The following ACYP2 variants were observed in gnomAD, a reference collection of about 807,000 sequenced individuals.
The protein encoded by ACYP2 is acylphosphatase 2.
ACYP2 carries 12 observed loss-of-function variants against 11.2 expected under a neutral mutation model. The ratio of observed to expected loss-of-function variants is 1.08; its 90% CI spans 0.69 to 1.74. The LOEUF (loss-of-function observed/expected upper bound fraction) is 1.74, where lower values mean the gene tolerates loss of function less well. Among genes scored for constraint, ACYP2 ranks in the 40% most tolerant of loss-of-function variants. ACYP2 has a pLI of 0.00. For synonymous variants in ACYP2, 43 were observed against 32.2 expected (o/e 1.33, Z -1.13); for missense variants, 134 against 101.9 (o/e 1.31, Z -1.35).
intron 6 of ACYP2, among the ~76,000 whole-genome samples, chr2:54,143,500 C>A (rs1681714322): frequency 6.6e-6 from 1 of 152,162 alleles, no homozygotes; most frequent in Non-Finnish European, 1.5e-5. Context: ...ATGGTACGAT[C>A]TTGGCTTACT....
chr2:54,201,630 T>TTTTCTC (rs1684798474), intron 6 of ACYP2, among the ~76,000 whole-genome samples: 3 of 90,520 alleles, frequency 3.3e-5, no homozygotes, highest in African/African-American at 1.2e-4. Context: ...CTTTGTTTCT[T>TTTTCTC]TCTTTCTCTT....
At chr2:54,266,047 G>A (rs1688003216) in intron 6 of ACYP2, among the ~76,000 whole-genome samples, 2 of 152,182 alleles carry the variant, frequency 1.3e-5, no homozygotes, top group Non-Finnish European at 2.9e-5. Context: ...TGAGCAGCAT[G>A]TTCTGAGAAC....
At position 54,190,167 on chromosome 2, in the gene ACYP2, AT is replaced by A. The variant is rs1346970709; in HGVS notation, c.404+51423del. ...TTTCCAATCCATAATTTGCCTTTTC[AT>A]TTTGTTGATTGTTTCCTTTGCTGTG... On this transcript the variant is annotated intron_variant, in intron 6 of 6. Coordinates refer to ENST00000607452, the MANE Select transcript of ACYP2 (RefSeq NM_001320586.2). Among the ~76,000 whole-genome samples the A allele has an allele frequency of 2.0e-5, 3 of 152,048 alleles. No individual in the cohort carries two copies. In the East Asian group the frequency reaches 5.8e-4, roughly 29 times the overall value.
chr2:54,056,013 G>A (rs1284029266), intron 3 of ACYP2, among the ~76,000 whole-genome samples: 1 of 152,208 alleles, frequency 6.6e-6, no homozygotes, highest in Non-Finnish European at 1.5e-5. Context: ...TAAGCTCAGA[G>A]AAGTTAAATA....
At chr2:54,284,378 A>T (rs574590310) in intron 6 of ACYP2, among the ~76,000 whole-genome samples, 1 of 152,198 alleles carries the variant, frequency 6.6e-6, no homozygotes, top group Non-Finnish European at 1.5e-5. Context: ...CCTCAAGAGA[A>T]TCCTCTTTAT....
intron 6 of ACYP2, among the ~76,000 whole-genome samples, chr2:54,146,301 T>G (rs1446597629): frequency 6.6e-6 from 1 of 152,228 alleles, no homozygotes; most frequent in East Asian, 1.9e-4. Context: ...TTCTCCATTT[T>G]CACAACCATC....
chr2:54,066,280 C>T (rs941497923), intron 4 of ACYP2, among the ~76,000 whole-genome samples: 5 of 152,150 alleles, frequency 3.3e-5, no homozygotes, highest in Non-Finnish European at 5.9e-5. Flanking sequence ...TCCTCCTCTC[C>T]TCTCTCCTGC....
At chr2:54,111,731 A>C (rs533403283) in intron 4 of ACYP2, among the ~76,000 whole-genome samples, 2 of 152,252 alleles carry the variant, frequency 1.3e-5, no homozygotes, top group Non-Finnish European at 2.9e-5. Flanking sequence ...GGAAGTTAAC[A>C]ATTTGTATCA....
At chr2:54,151,257 G>T (rs899817837) in intron 6 of ACYP2, among the ~76,000 whole-genome samples, 3 of 152,122 alleles carry the variant, frequency 2.0e-5, no homozygotes, top group African/African-American at 7.2e-5. Context: ...TTGTGACAAT[G>T]GTAAATTGAA....
At chr2:54,148,938 G>T (rs987626044) in intron 6 of ACYP2, among the ~76,000 whole-genome samples, 1 of 152,126 alleles carries the variant, frequency 6.6e-6, no homozygotes, top group South Asian at 2.1e-4. Flanking sequence ...GGCAAAAACC[G>T]CAATTACTTT....
chr2:54,301,904 G>C (rs1355681008), intron 6 of ACYP2, among the ~76,000 whole-genome samples: 1 of 152,158 alleles, frequency 6.6e-6, no homozygotes, highest in East Asian at 1.9e-4. Context: ...AGATCAGGCA[G>C]GGTGGTTCCT....
rs531359759 is a variant in ACYP2, at chr2:54,005,656, T to C, written c.62+31846T>C. Among the ~76,000 whole-genome samples the C allele has an allele frequency of 5.6e-4, 85 of 152,196 alleles. 1 individual carries two copies. Among genetic ancestry groups the C allele is most frequent in the Non-Finnish European group, 1.0e-3 (71 of 68,028 alleles). ...GCCCAGCCTGAAGGCCTATGGTTTC[T>C]CTTTTCTGTTCCATTGACCAAGATC... On this transcript the variant is annotated intron_variant, in intron 2 of 6. Transcript: ENST00000607452.
intron 6 of ACYP2, chr2:54,255,560 C>T (rs771768568): frequency 2.5e-6 from 4 of 1,608,154 alleles, no homozygotes; most frequent in Admixed American, 1.7e-5. Context: ...TGGAGACCCA[C>T]GTTCAGGGGC....
chr2:54,075,696 C>T (rs1405642390), intron 4 of ACYP2, among the ~76,000 whole-genome samples: 1 of 151,858 alleles, frequency 6.6e-6, no homozygotes, highest in East Asian at 1.9e-4. Flanking sequence ...GCCTGTAATC[C>T]CAGCTACTCA....
chr2:54,100,457 C>G (rs552024529), intron 4 of ACYP2, among the ~76,000 whole-genome samples: 4 of 151,938 alleles, frequency 2.6e-5, no homozygotes, highest in African/African-American at 9.7e-5. Flanking sequence ...TGTGCCCCAC[C>G]ACACCTGGCT....
chr2:54,098,267 C>T (rs772100384), intron 4 of ACYP2, among the ~76,000 whole-genome samples: 4 of 152,128 alleles, frequency 2.6e-5, no homozygotes, highest in Non-Finnish European at 5.9e-5. Context: ...CTGCACCTGG[C>T]CACAATTTCT....
intron 6 of ACYP2, among the ~76,000 whole-genome samples, chr2:54,152,333 G>A (rs1002319353): frequency 1.3e-5 from 2 of 151,564 alleles, no homozygotes; most frequent in Admixed American, 6.6e-5. Context: ...TATGTTTCCC[G>A]GGCTGGTCTC....
chr2:54,226,192 G>A (rs1039502051), intron 6 of ACYP2, among the ~76,000 whole-genome samples: 3 of 152,184 alleles, frequency 2.0e-5, no homozygotes, highest in Non-Finnish European at 4.4e-5. Flanking sequence ...TGATGTAGTG[G>A]ATGTCTTAAG....
chr2:54,207,899 A>C (rs1291748339), intron 6 of ACYP2, among the ~76,000 whole-genome samples: 1 of 152,238 alleles, frequency 6.6e-6, no homozygotes, highest in Non-Finnish European at 1.5e-5. Flanking sequence ...TTTTGAACGC[A>C]TACTTAGAAG....
Sources: gnomAD v4.1 joint callset for allele counts (sites outside exome capture counted in the v4.1 genomes callset) on GRCh38, gnomAD v4.1.1 for gene constraint, MANE v1.5 for transcripts, NCBI Gene and HGNC (gene_info 2026-07-23, HGNC 2026-07-21) for gene names.